The following ZNF423 variants were observed in gnomAD, a reference collection of about 807,000 sequenced individuals.
The protein encoded by ZNF423 is Ebf-associated zinc finger protein.
ZNF423 carries 12 observed loss-of-function variants against 95.8 expected under a neutral mutation model. The observed-to-expected ratio is 0.13, with a 90% CI of 0.08 to 0.20. The LOEUF (loss-of-function observed/expected upper bound fraction) is 0.20, where lower values mean the gene tolerates loss of function less well. Among genes scored for constraint, ZNF423 ranks in the 10% least tolerant of loss-of-function variants. The pLI is 1.00. For synonymous variants in ZNF423, 749 were observed against 711.9 expected, an observed-to-expected ratio of 1.05 and a Z score of -0.83; for missense variants, 1,316 against 1,737.1, an observed-to-expected ratio of 0.76 and a Z score of 4.31.
At chr16:49,751,175 T>C (rs1053064770) in intron 2 of ZNF423, among the ~76,000 whole-genome samples, 2 of 152,216 alleles carry the variant, frequency 1.3e-5, no homozygotes, top group African/African-American at 4.8e-5. Context: ...CAAGACTGTT[T>C]GACAGCCTCC....
intron 5 of ZNF423, among the ~76,000 whole-genome samples, chr16:49,541,667 T>A (rs1969251639): frequency 6.6e-6 from 1 of 152,198 alleles, no homozygotes; most frequent in South Asian, 2.1e-4. Flanking sequence ...TGAATTTTAA[T>A]AACACCCACC....
intron 2 of ZNF423, among the ~76,000 whole-genome samples, chr16:49,764,081 G>C (rs2033881840): frequency 6.6e-6 from 1 of 152,224 alleles, no homozygotes; most frequent in Admixed American, 6.5e-5. Context: ...CTGCAAGAGG[G>C]AGGAGGTCGA....
chr16:49,582,137 T>G (rs1403744198), intron 5 of ZNF423, among the ~76,000 whole-genome samples: 2 of 152,240 alleles, frequency 1.3e-5, no homozygotes, highest in Admixed American at 6.5e-5. Flanking sequence ...TGCAAGAAAC[T>G]GTCCCATTCT....
intron 5 of ZNF423, among the ~76,000 whole-genome samples, chr16:49,596,500 A>T (rs1971182432): frequency 6.6e-6 from 1 of 152,242 alleles, no homozygotes; most frequent in Non-Finnish European, 1.5e-5. Flanking sequence ...TCTTGCTGTA[A>T]ATATTTTATA....
intron 3 of ZNF423, among the ~76,000 whole-genome samples, chr16:49,674,809 G>A (rs933401891): frequency 2.6e-5 from 4 of 152,126 alleles, no homozygotes; most frequent in African/African-American, 9.7e-5. Flanking sequence ...GATTTTCTTC[G>A]GTGACTACAG....
chr16:49,617,954 A>T (rs1971931261), intron 5 of ZNF423, among the ~76,000 whole-genome samples: 1 of 151,156 alleles, frequency 6.6e-6, no homozygotes, highest in South Asian at 2.1e-4. Context: ...TACACTCCTC[A>T]CTCTCCAGGC....
chr16:49,639,018 C>T (rs563415839), intron 3 of ZNF423, 144 bp from the exon 4 acceptor site: 24 of 1,435,298 alleles, frequency 1.7e-5, no homozygotes, highest in African/African-American at 2.9e-5. Context: ...GGGCAGGGGC[C>T]GGAAGCAAGT....
chr16:49,773,828 G>A (rs923059438), intron 2 of ZNF423, among the ~76,000 whole-genome samples: 1 of 152,176 alleles, frequency 6.6e-6, no homozygotes, highest in Non-Finnish European at 1.5e-5. Flanking sequence ...ACTCAGTGAG[G>A]CAATGCCTAT....
intron 7 of ZNF423, among the ~76,000 whole-genome samples, chr16:49,521,170 CA>C (rs1167927304): frequency 2.6e-5 from 4 of 152,156 alleles, no homozygotes; most frequent in Non-Finnish European, 4.4e-5. Flanking sequence ...CAATGAAGCT[CA>C]AAAACGTCAG....
chr16:49,782,678 C>T (rs754857695), intron 2 of ZNF423, among the ~76,000 whole-genome samples: 1 of 152,230 alleles, frequency 6.6e-6, no homozygotes, highest in South Asian at 2.1e-4. Context: ...ACAGACCCTT[C>T]TCCTACTGCC....
Position 49,596,979 on chromosome 16 carries a change from C to A in ZNF423, c.3601+29191G>T, listed in dbSNP as rs531105658. On this transcript the variant is annotated intron_variant, in intron 5 of 7. Coordinates refer to ENST00000563137, the MANE Select transcript of ZNF423 (RefSeq NM_001379286.1). ...GGGGTTTCGGCCACGTGGCTCCTCT[C>A]TGCCCTGTTGGGTCGGCTTGGGCTT... Among the ~76,000 whole-genome samples, 32 of 152,368 alleles carry A rather than the reference C, an allele frequency of 2.1e-4. No individual in the cohort carries two copies. In the East Asian group the frequency reaches 2.1e-3, roughly 10 times the overall value.
chr16:49,669,527 C>G (rs926003094), intron 3 of ZNF423, among the ~76,000 whole-genome samples: 6 of 152,132 alleles, frequency 3.9e-5, no homozygotes, highest in Non-Finnish European at 8.8e-5. Context: ...CAGCAGGCAG[C>G]CGACAGGGCA....
intron 3 of ZNF423, among the ~76,000 whole-genome samples, chr16:49,722,035 C>T (rs2032881523): frequency 6.6e-6 from 1 of 152,164 alleles, no homozygotes; most frequent in African/African-American, 2.4e-5. Flanking sequence ...ATAAAAATGT[C>T]AGCAACTAAG....
At chr16:49,668,892 A>C (rs1225593476) in intron 3 of ZNF423, among the ~76,000 whole-genome samples, 1 of 152,130 alleles carries the variant, frequency 6.6e-6, no homozygotes, top group African/African-American at 2.4e-5. Flanking sequence ...AACCTCAACT[A>C]TAAAATGAAG....
chr16:49,686,215 G>A (rs944709725), intron 3 of ZNF423, among the ~76,000 whole-genome samples: 29 of 152,132 alleles, frequency 1.9e-4, no homozygotes, highest in Admixed American at 5.2e-4. Context: ...CACACAGCCT[G>A]GCACAAAGTA....
rs1486495412 is a variant in ZNF423, at chr16:49,521,499, C to T, written c.3849+2125G>A. Among the ~76,000 whole-genome samples the T allele has an allele frequency of 2.0e-5, 3 of 152,156 alleles. No homozygotes were observed. In the East Asian group the frequency reaches 5.8e-4, roughly 29 times the overall value. On this transcript the variant is annotated intron_variant, in intron 7 of 7. Transcript: ENST00000563137. ...AGGGAGGCTTCTTGGATGGCATCAACGCCTAGCTGTCGCCCCACACATCCT... is the reference window on the plus strand; with the variant it reads ...AGGGAGGCTTCTTGGATGGCATCAATGCCTAGCTGTCGCCCCACACATCCT...
chr16:49,666,063 TA>T lies in ZNF423; in HGVS notation c.302-27190del, dbSNP rs563263846. On this transcript the variant is annotated intron_variant, in intron 3 of 7. Coordinates refer to ENST00000563137, the MANE Select transcript of ZNF423 (RefSeq NM_001379286.1). ...TTTATCCTACAACAAAGGGATTTTC[TA>T]AATAGTGCGATCAAAACGCAGCGAA... Among the ~76,000 whole-genome samples, 4 of 152,182 alleles carry T rather than the reference TA, an allele frequency of 2.6e-5. No individual in the cohort carries two copies. In the South Asian group the frequency reaches 8.3e-4, roughly 32 times the overall value.
At chr16:49,748,868 A>G (rs955236276) in intron 2 of ZNF423, among the ~76,000 whole-genome samples, 2 of 152,158 alleles carry the variant, frequency 1.3e-5, no homozygotes, top group East Asian at 1.9e-4. Flanking sequence ...TCTTCTGAGC[A>G]TCGAGGTGCT....
chr16:49,590,516 C>G (rs989166290), intron 5 of ZNF423, among the ~76,000 whole-genome samples: 1 of 152,204 alleles, frequency 6.6e-6, no homozygotes, highest in Non-Finnish European at 1.5e-5. Context: ...AAGACACACA[C>G]TCATTATCAC....
Sources: allele counts gnomAD v4.1 joint callset (sites outside exome capture counted in the v4.1 genomes callset), GRCh38; gene constraint gnomAD v4.1.1; transcripts MANE v1.5; gene names NCBI Gene and HGNC (gene_info 2026-07-23, HGNC 2026-07-21).